CSRNP2: variants seen among roughly 807,000 people sequenced by gnomAD.
CSRNP2 encodes cysteine and serine rich nuclear protein 2.
A neutral mutation model predicts 36.6 loss-of-function variants in CSRNP2; 11 were observed. That is an observed-to-expected ratio of 0.30 (90% CI 0.19 to 0.50). CSRNP2 has a LOEUF of 0.50. Ranked by LOEUF, CSRNP2 falls within the 20% of genes least tolerant of loss-of-function variation. The pLI is 0.98. For synonymous variants in CSRNP2, 248 were observed against 275.3 expected, an observed-to-expected ratio of 0.90 and a Z score of 0.98; for missense variants, 483 against 691.4, an observed-to-expected ratio of 0.70 and a Z score of 3.38.
In CSRNP2 at chr12:51,064,429, T is replaced by C; in HGVS notation, c.949A>G (p.Ile317Val). ...GSETQDFQEF[I>V]AENETAVMHL... ...ATCACTGCTGTCTCATTCTCAGCAA[T>C]GAACTCCTGGAAGTCCTGGGTCTCA... The change falls in exon 5 of 5, where the codon ATT becomes GTT. Residue 317 changes from isoleucine (I) to valine (V), a missense_variant. Ile to Val is a conservative substitution (Grantham distance 29, BLOSUM62 3). This residue lies in a region of CSRNP2 where 277 missense variants were observed against 323.6 expected (regional missense o/e 0.86). Coordinates refer to ENST00000228515, the MANE Select transcript of CSRNP2 (RefSeq NM_030809.3). 3 of 1,612,222 alleles carry C rather than the reference T, an allele frequency of 1.9e-6. No homozygotes were observed. The highest frequency in any genetic ancestry group is 2.5e-6 in the Non-Finnish European group (3 of 1,178,756).
rs377399359 is a variant in CSRNP2, at chr12:51,076,770, G to T, written c.-86-123C>A. The T allele has an allele frequency of 9.0e-6, 5 of 555,928 alleles. No homozygotes were observed. In the South Asian group the frequency reaches 1.2e-4, roughly 13 times the overall value. The allele number at this position is 555,928 out of a possible 1,614,324, so 34.4% of individuals were successfully genotyped here. A position where few individuals can be genotyped will look rare whatever the true frequency, so the allele number is the denominator to read the frequency against. ...CTGATGTCTGCTTTCTCAATATTAC[G>T]TTCTTTCTCTACTAGCTCTGGCCAA... On this transcript the variant is annotated intron_variant, in intron 1 of 4. Coordinates refer to ENST00000228515, the MANE Select transcript of CSRNP2 (RefSeq NM_030809.3).
Position 51,067,912 on chromosome 12 carries a change from C to A in CSRNP2, c.469G>T (p.Val157Leu). The stretch of plus-strand genomic sequence containing the variant: ...TCCACATCAATATCTTCATCTGACA[C>A]ATCATCCAGCGTCAGGCCATCAGCC... ...VEADGLTLDD[V>L]SDEDIDVENV... The change falls in exon 4 of 5, where the codon GTG becomes TTG. Residue 157 changes from valine (V) to leucine (L), a missense_variant. By Grantham distance (32) the Val-to-Leu change is conservative. Transcript: ENST00000228515. This position sits in a 1 kb window ranked among gnomAD's most constrained non-coding sequence, Gnocchi z 4.1. 6.2e-7 allele frequency: 1 copy of A among 1,614,180 alleles called. No individual in the cohort carries two copies. The highest frequency in any genetic ancestry group is 8.5e-7 in the Non-Finnish European group (1 of 1,180,032).
intron 3 of CSRNP2, among the ~76,000 whole-genome samples, chr12:51,071,499 C>T (rs1363723426): frequency 6.6e-6 from 1 of 151,616 alleles, no homozygotes; most frequent in Admixed American, 6.6e-5. Flanking sequence ...GTGCAGTGGC[C>T]CACACCTGTA....
intron 3 of CSRNP2, among the ~76,000 whole-genome samples, chr12:51,069,794 G>A (rs775278026): frequency 2.6e-5 from 4 of 151,156 alleles, no homozygotes; most frequent in Admixed American, 1.3e-4. Context: ...CTGGGTTCAC[G>A]CCATTCTCCT....
intron 2 of CSRNP2, among the ~76,000 whole-genome samples, 170 bp from the exon 3 acceptor site, chr12:51,074,252 G>A (rs1566183844): frequency 1.3e-5 from 2 of 152,154 alleles, no homozygotes; most frequent in Non-Finnish European, 2.9e-5. Flanking sequence ...TGAGAAGCTG[G>A]GATTACAGGC....
Position 51,064,111 on chromosome 12 carries a change from C to T in CSRNP2, c.1267G>A (p.Glu423Lys), listed in dbSNP as rs1398950468. The T allele has an allele frequency of 6.2e-7, 1 of 1,614,224 alleles. No individual in the cohort carries two copies. Among genetic ancestry groups the T allele is most frequent in the South Asian group, 1.1e-5 (1 of 91,084 alleles). ...NSGPLVYYQV[E>K]QRPVLGVKGE... is the part of the protein sequence containing the mutation. The stretch of plus-strand genomic sequence containing the variant: ...TTCACTCCCAAGACTGGCCTCTGCT[C>T]CACTTGATAATAGACCAGGGGCCCA... The change falls in exon 5 of 5, where the codon GAG becomes AAG. Residue 423 changes from glutamate (E) to lysine (K), a missense_variant. Coordinates refer to ENST00000228515, the MANE Select transcript of CSRNP2 (RefSeq NM_030809.3).
At chr12:51,072,593 G>C (rs549121338) in intron 3 of CSRNP2, among the ~76,000 whole-genome samples, 3 of 102,406 alleles carry the variant, frequency 2.9e-5, no homozygotes, top group Admixed American at 1.0e-4. Context: ...AAAAAAAAAA[G>C]AGTGGCTATG....
chr12:51,067,985 A>G lies in CSRNP2; in HGVS notation c.412-16T>C. On this transcript the variant is annotated splice_polypyrimidine_tract_variant and intron_variant, in intron 3 of 4. Transcript: ENST00000228515. This position sits in a 1 kb window ranked among gnomAD's most constrained non-coding sequence, Gnocchi z 4.1. ...TCTTGGTCAGCTGCCAAGAGACAGG[A>G]AAGGTTAGCCTCATAGACATGAGCG... 6.2e-7 allele frequency: 1 copy of G among 1,610,380 alleles called. No homozygotes were observed. Among genetic ancestry groups the G allele is most frequent in the Admixed American group, 1.7e-5 (1 of 59,904 alleles).
intron 3 of CSRNP2, among the ~76,000 whole-genome samples, chr12:51,071,001 C>CCTGT (rs1466511341): frequency 1.3e-5 from 2 of 152,130 alleles, no homozygotes; most frequent in African/African-American, 4.8e-5. Context: ...GTGGCTCACT[C>CCTGT]CTGTAATCCC....
In CSRNP2 at chr12:51,063,741, G is replaced by A. The variant is rs372354834; in HGVS notation, c.*5C>T. On this transcript the variant is annotated 3_prime_UTR_variant, in exon 5 of 5. Transcript: ENST00000228515. ...ATGGGTAAGAGGCAGGACCTCTAGC[G>A]CCTGTCACACTGCCAGAGGGAGTTC... The A allele has an allele frequency of 1.1e-5, 17 of 1,532,386 alleles. No individual in the cohort carries two copies. The highest frequency in any genetic ancestry group is 9.7e-5 in the African/African-American group (7 of 72,170). The allele number at this position is 1,532,386 out of a possible 1,614,324, so 94.9% of individuals were successfully genotyped here. A position where few individuals can be genotyped will look rare whatever the true frequency, so the allele number is the denominator to read the frequency against.
chr12:51,076,714 C>A (rs1939418209), intron 1 of CSRNP2, 67 bp from the exon 2 acceptor site: 1 of 744,412 alleles, frequency 1.3e-6, no homozygotes, highest in Admixed American at 2.7e-5. Flanking sequence ...TCTATACACA[C>A]AGCTCTCTAA....
intron 3 of CSRNP2, among the ~76,000 whole-genome samples, chr12:51,071,605 A>C (rs1405744471): frequency 6.6e-6 from 1 of 152,176 alleles, no homozygotes; most frequent in Non-Finnish European, 1.5e-5. Flanking sequence ...TCTTTAAAAA[A>C]ACAAAGTGCT....
intron 3 of CSRNP2, among the ~76,000 whole-genome samples, chr12:51,073,037 G>A (rs1010148605): frequency 1.3e-5 from 2 of 151,938 alleles, no homozygotes; most frequent in African/African-American, 2.4e-5. Flanking sequence ...CCTGGGCAAC[G>A]TTGCAAGATC....
chr12:51,073,616 C>T (rs1420199569), intron 3 of CSRNP2, among the ~76,000 whole-genome samples: 1 of 151,118 alleles, frequency 6.6e-6, no homozygotes, highest in African/African-American at 2.4e-5. Flanking sequence ...CCCAACTACT[C>T]GGGAGGCTGA....
In CSRNP2 at chr12:51,064,222, G is replaced by T. The variant is rs542279562; in HGVS notation, c.1156C>A (p.Pro386Thr). 1.2e-6 allele frequency: 2 copies of T among 1,613,854 alleles called. No individual in the cohort carries two copies. Among genetic ancestry groups the T allele is most frequent in the African/African-American group, 1.3e-5 (1 of 75,042 alleles). Reference sequence around the variant, plus strand: ...AAACACAGGACAGAGGAGCCTGGGGGCAGCTGAGCCTGGATGAGAATGGGG... The same window carrying T: ...AAACACAGGACAGAGGAGCCTGGGGTCAGCTGAGCCTGGATGAGAATGGGG... ...TAPILIQAQL[P>T]PGSSVLCFTE... is the part of the protein sequence containing the mutation. The change falls in exon 5 of 5, where the codon CCC (proline) becomes ACC (threonine). Residue 386 changes from proline to threonine, a missense_variant. Physicochemically the swap from Pro to Thr is conservative, Grantham distance 38. Coordinates refer to ENST00000228515, the MANE Select transcript of CSRNP2 (RefSeq NM_030809.3).
Position 51,074,140 on chromosome 12 carries a change from T to C in CSRNP2, c.152-58A>G, listed in dbSNP as rs1939296215. 3 of 1,534,590 alleles carry C rather than the reference T, an allele frequency of 2.0e-6. No individual in the cohort carries two copies. In the African/African-American group the frequency reaches 4.2e-5, roughly 21 times the overall value. ...ATTTTTCTATTTATTTATTTAGAGATGGAGTCTCGCTCTGTTGCCCAGGCT... is the reference window on the plus strand; with the variant it reads ...ATTTTTCTATTTATTTATTTAGAGACGGAGTCTCGCTCTGTTGCCCAGGCT... On this transcript the variant is annotated intron_variant, in intron 2 of 4. Coordinates refer to ENST00000228515, the MANE Select transcript of CSRNP2 (RefSeq NM_030809.3).
chr12:51,062,102 T>C lies in CSRNP2; in HGVS notation c.*1644A>G, dbSNP rs970042345. 13 of 152,210 alleles carry C rather than the reference T, an allele frequency of 8.5e-5. No homozygotes were observed. The highest frequency in any genetic ancestry group is 3.1e-4 in the African/African-American group (13 of 41,456). 9.4% of individuals were successfully genotyped at this position (152,210 alleles called of 1,614,324 possible). ...AAAGGCAGAATGAACTAAAAAATGT[T>C]ATGTGTATTAAATACAAATCTTTTC... On this transcript the variant is annotated 3_prime_UTR_variant, in exon 5 of 5. Coordinates refer to ENST00000228515, the MANE Select transcript of CSRNP2 (RefSeq NM_030809.3).
chr12:51,072,265 A>G (rs1241322053), intron 3 of CSRNP2, among the ~76,000 whole-genome samples: 1 of 152,118 alleles, frequency 6.6e-6, no homozygotes, highest in Non-Finnish European at 1.5e-5. Flanking sequence ...CAGTACTAAG[A>G]TGAAAAATGG....
At chr12:51,081,587 C>T (rs1045279375) in intron 1 of CSRNP2, 1 of 152,216 alleles carries the variant, frequency 6.6e-6, no homozygotes, top group Non-Finnish European at 1.5e-5. Flanking sequence ...CTCTTTAAAG[C>T]TTTTAAATGC....
Sources: allele counts gnomAD v4.1 joint callset (sites outside exome capture counted in the v4.1 genomes callset), GRCh38; gene constraint gnomAD v4.1.1; regional missense constraint gnomAD v4.1.1; non-coding constraint Gnocchi (gnomAD v3.1); transcripts MANE v1.5; gene names NCBI Gene and HGNC (gene_info 2026-07-23, HGNC 2026-07-21).